The following ZNF492 variants were observed in gnomAD, a reference collection of about 807,000 sequenced individuals.
ZNF492 encodes the protein zinc finger protein 115 (Y20).
ZNF492 carries 3 observed loss-of-function variants against 6.4 expected under a neutral mutation model. That is an observed-to-expected ratio of 0.47 (90% CI 0.21 to 1.22). The LOEUF is 1.22. Among genes scored for constraint, ZNF492 ranks in the 50% most tolerant of loss-of-function variants. ZNF492 has a pLI of 0.22. For synonymous variants in ZNF492, 112 were observed against 205.3 expected, an observed-to-expected ratio of 0.55 and a Z score of 3.89; for missense variants, 356 against 612.5, an observed-to-expected ratio of 0.58 and a Z score of 4.42.
chr19:22,663,519 G>A (rs918233830), intron 3 of ZNF492, among the ~76,000 whole-genome samples: 8 of 152,162 alleles, frequency 5.3e-5, no homozygotes, highest in Admixed American at 2.0e-4. Flanking sequence ...ATATAGGGAA[G>A]CAGGAAGATC....
rs575886459 is a variant in ZNF492 at position 22,665,507 on chromosome 19, G to A, written c.*242G>A. On this transcript the variant is annotated 3_prime_UTR_variant, in exon 4 of 4. Transcript: ENST00000456783. ...TTCAACATCAGAGTTTATATTAATA[G>A]CATTAAAAGTGCAATTACTGTCAAA... The A allele has an allele frequency of 1.1e-5, 8 of 755,588 alleles. No homozygotes were observed. Among genetic ancestry groups the A allele is most frequent in the Non-Finnish European group, 1.5e-5 (8 of 518,012 alleles). The allele number at this position is 755,588 out of a possible 1,614,324, so 46.8% of individuals were successfully genotyped here.
At position 22,663,890 on chromosome 19, in the gene ZNF492, G is replaced by T. The variant is rs984297120; in HGVS notation, c.221G>T (p.Cys74Phe). ...QKVILRRYKK[C>F]GCENLQLRKY... ...GTGATACTGAGAAGATATAAAAAAT[G>T]TGGATGTGAAAATTTACAGTTAAGA... Residue 74 changes from cysteine to phenylalanine, a missense_variant, in exon 4 of 4, where the codon TGT (cysteine) becomes TTT (phenylalanine). Coordinates refer to ENST00000456783, the MANE Select transcript of ZNF492 (RefSeq NM_020855.3). The T allele has an allele frequency of 9.4e-6, 15 of 1,588,672 alleles. No individual in the cohort carries two copies. Among genetic ancestry groups the T allele is most frequent in the Non-Finnish European group, 1.2e-5 (14 of 1,168,502 alleles).
At chr19:22,650,276 A>G (rs1360396110) in intron 1 of ZNF492, among the ~76,000 whole-genome samples, 1 of 152,142 alleles carries the variant, frequency 6.6e-6, no homozygotes, top group African/African-American at 2.4e-5. Context: ...AACAGCAAAG[A>G]TGGGTGCCTG....
chr19:22,639,602 C>T (rs1971804667), intron 1 of ZNF492, among the ~76,000 whole-genome samples: 1 of 151,034 alleles, frequency 6.6e-6, no homozygotes, highest in African/African-American at 2.4e-5. Context: ...CCCAGCTACT[C>T]AGGAAGGCTG....
chr19:22,653,589 C>T (rs1467684931), intron 2 of ZNF492, among the ~76,000 whole-genome samples, 156 bp downstream of exon 2: 1 of 151,788 alleles, frequency 6.6e-6, no homozygotes, highest in African/African-American at 2.4e-5. Flanking sequence ...CAAGATGTTT[C>T]ATTTTGACCT....
intron 3 of ZNF492, among the ~76,000 whole-genome samples, chr19:22,659,928 A>C (rs928566675): frequency 6.6e-6 from 1 of 152,056 alleles, no homozygotes; most frequent in African/African-American, 2.4e-5. Flanking sequence ...AACCTCCCAA[A>C]GTGCTGGGAT....
At chr19:22,645,482 C>T (rs917104752) in intron 1 of ZNF492, among the ~76,000 whole-genome samples, 1 of 152,190 alleles carries the variant, frequency 6.6e-6, no homozygotes, top group African/African-American at 2.4e-5. Flanking sequence ...CCTGTTCACT[C>T]TGCTGATAGT....
chr19:22,636,545 T>TGTGTGTG (rs1491281843), intron 1 of ZNF492, among the ~76,000 whole-genome samples: 3 of 150,398 alleles, frequency 2.0e-5, no homozygotes, highest in Non-Finnish European at 4.4e-5. Flanking sequence ...TGTGTGTGTG[T>TGTGTGTG]TTGTGTGTGT....
intron 3 of ZNF492, among the ~76,000 whole-genome samples, chr19:22,654,497 T>G (rs1234109958): frequency 6.6e-6 from 1 of 152,108 alleles, no homozygotes; most frequent in Non-Finnish European, 1.5e-5. Context: ...TAGTTTGAAA[T>G]TATAAAGTAT....
chr19:22,641,534 A>G (rs1291536716), intron 1 of ZNF492, among the ~76,000 whole-genome samples: 14 of 152,170 alleles, frequency 9.2e-5, no homozygotes. Flanking sequence ...GGTCAATTTT[A>G]GAGTATGTGC....
intron 1 of ZNF492, among the ~76,000 whole-genome samples, chr19:22,645,849 C>T (rs1224208314): frequency 6.6e-6 from 1 of 152,070 alleles, no homozygotes; most frequent in African/African-American, 2.4e-5. Context: ...GGTGTTATTT[C>T]TGAGGTTTCT....
intron 1 of ZNF492, among the ~76,000 whole-genome samples, chr19:22,647,182 C>T (rs1318115334): frequency 7.9e-5 from 12 of 151,566 alleles, no homozygotes; most frequent in African/African-American, 1.5e-4. Context: ...TGAGCCACTG[C>T]GCCCGGCCTG....
intron 1 of ZNF492, among the ~76,000 whole-genome samples, chr19:22,639,236 A>G (rs1336073389): frequency 6.6e-6 from 1 of 152,086 alleles, no homozygotes; most frequent in Non-Finnish European, 1.5e-5. Context: ...TGTCATAAAG[A>G]TCTTTCACCT....
At chr19:22,650,265 G>C (rs755825380) in intron 1 of ZNF492, among the ~76,000 whole-genome samples, 1 of 152,144 alleles carries the variant, frequency 6.6e-6, no homozygotes, top group Non-Finnish European at 1.5e-5. Flanking sequence ...GGAGATTGGA[G>C]AACAGCAAAG....
intron 3 of ZNF492, among the ~76,000 whole-genome samples, chr19:22,659,561 T>TACACACACACACACACACAC (rs569041771): frequency 2.9e-5 from 4 of 138,746 alleles, no homozygotes; most frequent in Non-Finnish European, 4.6e-5. Flanking sequence ...TAATGTGAGA[T>TACACACACACACACACACAC]ACACACACAC....
chr19:22,653,083 A>G (rs1368822835), intron 1 of ZNF492, among the ~76,000 whole-genome samples: 2 of 149,768 alleles, frequency 1.3e-5, no homozygotes, highest in East Asian at 1.9e-4. Flanking sequence ...CCGAAGAAGT[A>G]TCATACTTAC....
chr19:22,635,724 T>C (rs1337025565), intron 1 of ZNF492, among the ~76,000 whole-genome samples: 1 of 152,088 alleles, frequency 6.6e-6, no homozygotes, highest in Admixed American at 6.5e-5. Context: ...GTACTGTCTC[T>C]GAATAAACCA....
At chr19:22,651,960 A>G (rs1479919351) in intron 1 of ZNF492, among the ~76,000 whole-genome samples, 2 of 152,154 alleles carry the variant, frequency 1.3e-5, no homozygotes, top group Non-Finnish European at 2.9e-5. Flanking sequence ...ACTTTACATA[A>G]AACCAGTGTT....
intron 1 of ZNF492, among the ~76,000 whole-genome samples, chr19:22,645,510 A>T: frequency 6.6e-6 from 1 of 152,102 alleles, no homozygotes; most frequent in Non-Finnish European, 1.5e-5. Flanking sequence ...TCTGTGCAGA[A>T]GCTCTTTAGT....
Sources: allele counts gnomAD v4.1 joint callset (sites outside exome capture counted in the v4.1 genomes callset), GRCh38; gene constraint gnomAD v4.1.1; transcripts MANE v1.5; gene names NCBI Gene and HGNC (gene_info 2026-07-23, HGNC 2026-07-21).